GRID2: variants seen among roughly 807,000 people sequenced by gnomAD.
GRID2 encodes the protein glutamate ionotropic receptor delta type subunit 2.
A neutral mutation model predicts 114.8 loss-of-function variants in GRID2; 33 were observed. The ratio of observed to expected loss-of-function variants is 0.29; its 90% confidence interval spans 0.22 to 0.38. The LOEUF (loss-of-function observed/expected upper bound fraction) is 0.38. GRID2 is among the 10% of genes least tolerant of loss of function. The pLI is 1.00. For missense variants in GRID2, 1,184 were observed against 1,257.7 expected (o/e 0.94, Z 0.89); for synonymous variants, 505 against 449.9 (o/e 1.12, Z -1.55).
chr4:92,860,153 A>T (rs1367457290), intron 2 of GRID2, among the ~76,000 whole-genome samples: 1 of 152,142 alleles, frequency 6.6e-6, no homozygotes, highest in Non-Finnish European at 1.5e-5. Flanking sequence ...TGAAGATTAC[A>T]GACTTAACAA....
At chr4:93,387,285 C>T (rs776233318) in intron 8 of GRID2, among the ~76,000 whole-genome samples, 4 of 152,240 alleles carry the variant, frequency 2.6e-5, no homozygotes, top group Admixed American at 2.6e-4. Flanking sequence ...TATAACTGTT[C>T]AGATTATAGC....
At chr4:92,827,896 G>T (rs1301226961) in intron 2 of GRID2, among the ~76,000 whole-genome samples, 1 of 151,982 alleles carries the variant, frequency 6.6e-6, no homozygotes, top group Non-Finnish European at 1.5e-5. Context: ...CAAGTCATTT[G>T]TTTGGTATGA....
chr4:93,454,257 C>T (rs1722980779), intron 10 of GRID2, among the ~76,000 whole-genome samples: 1 of 151,898 alleles, frequency 6.6e-6, no homozygotes, highest in African/African-American at 2.4e-5. Context: ...TAAAAAATTT[C>T]CTAGAACCAA....
At chr4:92,429,495 C>G (rs1223936933) in intron 1 of GRID2, among the ~76,000 whole-genome samples, 1 of 152,124 alleles carries the variant, frequency 6.6e-6, no homozygotes, top group Non-Finnish European at 1.5e-5. Flanking sequence ...GTCCTTTCAT[C>G]TGTTGATGAA....
intron 2 of GRID2, among the ~76,000 whole-genome samples, chr4:92,631,623 CTT>C (rs1560499956): frequency 6.6e-6 from 1 of 151,944 alleles, no homozygotes; most frequent in Non-Finnish European, 1.5e-5. Flanking sequence ...AGAGTTTTAA[CTT>C]TTTGTTTTAA....
chr4:92,541,133 G>A (rs1374437955), intron 1 of GRID2, among the ~76,000 whole-genome samples: 1 of 152,010 alleles, frequency 6.6e-6, no homozygotes, highest in Non-Finnish European at 1.5e-5. Context: ...TCACACACTG[G>A]GGCCTGTTGT....
At chr4:93,486,738 A>G (rs1226034568) in intron 11 of GRID2, among the ~76,000 whole-genome samples, 2 of 151,646 alleles carry the variant, frequency 1.3e-5, no homozygotes, top group South Asian at 2.1e-4. Context: ...TCCGTTTGCT[A>G]ATTTATTTAC....
At chr4:93,225,218 A>T (rs560160233) in intron 7 of GRID2, among the ~76,000 whole-genome samples, 72 of 152,338 alleles carry the variant, frequency 4.7e-4, no homozygotes, top group Non-Finnish European at 7.8e-4. Flanking sequence ...GATAGGATTC[A>T]TAAGTAGATA....
At chr4:93,017,188 A>AT (rs1189985162) in intron 2 of GRID2, among the ~76,000 whole-genome samples, 2 of 152,176 alleles carry the variant, frequency 1.3e-5, no homozygotes, top group African/African-American at 4.8e-5. Flanking sequence ...AAAACCAAGA[A>AT]TAGGAATGTT....
chr4:92,329,383 G>A (rs753737330), intron 1 of GRID2, among the ~76,000 whole-genome samples: 47 of 151,906 alleles, frequency 3.1e-4, no homozygotes, highest in Non-Finnish European at 5.9e-4. Context: ...AGCTTCCCCA[G>A]AGTCATGCTG....
intron 2 of GRID2, among the ~76,000 whole-genome samples, chr4:93,071,641 AG>A (rs1728813225): frequency 6.6e-6 from 1 of 152,108 alleles, no homozygotes; most frequent in African/African-American, 2.4e-5. Flanking sequence ...CAGAAGAAAT[AG>A]AAGGAAAAGT....
intron 10 of GRID2, among the ~76,000 whole-genome samples, chr4:93,445,360 C>A (rs1309651983): frequency 2.6e-5 from 4 of 151,956 alleles, no homozygotes; most frequent in Non-Finnish European, 5.9e-5. Context: ...TTGGGCATTT[C>A]TTTTACCTGC....
At chr4:93,417,526 A>AT (rs2149360899) in intron 9 of GRID2, among the ~76,000 whole-genome samples, 1 of 152,166 alleles carries the variant, frequency 6.6e-6, no homozygotes, top group East Asian at 1.9e-4. Flanking sequence ...GATTGTCATT[A>AT]CCACAGAAAC....
chr4:93,157,390 A>C lies in GRID2; in HGVS notation c.735+46437A>C, dbSNP rs556128241. Among the ~76,000 whole-genome samples the C allele has an allele frequency of 4.0e-5, 6 of 151,866 alleles. No individual in the cohort carries two copies. The South Asian group carries it at 1.2e-3, about 31-fold the overall frequency. ...ATTTAATGTAGTTTTTAAAATAAAA[A>C]TATCTAAGTTTTAAAATATTATTAA... On this transcript the variant is annotated intron_variant, in intron 4 of 15. Coordinates refer to ENST00000282020, the MANE Select transcript of GRID2 (RefSeq NM_001510.4).
chr4:92,942,306 C>G (rs1255304780), intron 2 of GRID2, among the ~76,000 whole-genome samples: 1 of 152,112 alleles, frequency 6.6e-6, no homozygotes. Flanking sequence ...TTGAATTGAT[C>G]CCTTTACCAT....
intron 2 of GRID2, among the ~76,000 whole-genome samples, chr4:92,864,562 C>A (rs761405489): frequency 6.6e-6 from 1 of 152,164 alleles, no homozygotes; most frequent in Non-Finnish European, 1.5e-5. Flanking sequence ...CAAGCAAAAG[C>A]ACATTTATAG....
intron 2 of GRID2, among the ~76,000 whole-genome samples, chr4:92,748,992 T>G (rs1296494871): frequency 6.6e-6 from 1 of 151,176 alleles, no homozygotes; most frequent in Admixed American, 6.6e-5. Context: ...CCATTTCTAT[T>G]TATTTATTTA....
At chr4:93,128,464 T>C (rs1360773898) in intron 4 of GRID2, among the ~76,000 whole-genome samples, 1 of 152,196 alleles carries the variant, frequency 6.6e-6, no homozygotes, top group Non-Finnish European at 1.5e-5. Context: ...CAAGATAGTA[T>C]TTAATTATTG....
intron 14 of GRID2, among the ~76,000 whole-genome samples, chr4:93,704,266 A>G (rs549882464): frequency 6.6e-6 from 1 of 152,078 alleles, no homozygotes; most frequent in East Asian, 1.9e-4. Context: ...GCATTTTTTC[A>G]TGTGTCTTTT....
Sources: gnomAD v4.1 joint callset for allele counts (sites outside exome capture counted in the v4.1 genomes callset) on GRCh38, gnomAD v4.1.1 for gene constraint, MANE v1.5 for transcripts, NCBI Gene and HGNC (gene_info 2026-07-23, HGNC 2026-07-21) for gene names.